TMEM135: variants seen among roughly 807,000 people sequenced by gnomAD.
TMEM135 encodes transmembrane protein 135.
In TMEM135, 30 loss-of-function variants were observed where a neutral mutation model predicts 60.3. The ratio of observed to expected loss-of-function variants is 0.50; its 90% CI spans 0.37 to 0.68. The LOEUF is 0.68. Among genes scored for constraint, TMEM135 ranks in the 30% least tolerant of loss-of-function variants. The pLI, the probability that TMEM135 is intolerant of heterozygous loss-of-function variation, is 0.00. For missense variants in TMEM135, 468 were observed against 548.8 expected (o/e 0.85, Z 1.47); for synonymous variants, 190 against 186.7 (o/e 1.02, Z -0.14).
At chr11:87,102,768 G>T (rs1004959092) in intron 4 of TMEM135, among the ~76,000 whole-genome samples, 3 of 148,202 alleles carry the variant, frequency 2.0e-5, no homozygotes, top group African/African-American at 4.9e-5. Context: ...AGCATGAAAT[G>T]ATTAAATCAA....
At chr11:87,055,534 A>C (rs1269306814) in intron 1 of TMEM135, among the ~76,000 whole-genome samples, 2 of 152,012 alleles carry the variant, frequency 1.3e-5, no homozygotes, top group Admixed American at 1.3e-4. Context: ...GTCTTCCTCC[A>C]TTTAAAGGTA....
At chr11:87,296,214 C>T (rs973895454) in intron 7 of TMEM135, among the ~76,000 whole-genome samples, 6 of 152,100 alleles carry the variant, frequency 3.9e-5, no homozygotes, top group Admixed American at 2.0e-4. Context: ...AACACAGATT[C>T]GATTTTAAGT....
chr11:87,203,032 CAAAAAAAAAAAAAAAAA>C (rs534909524), intron 5 of TMEM135, among the ~76,000 whole-genome samples: 1,373 of 33,656 alleles, frequency 0.041, 56 homozygotes, highest in African/African-American at 0.11. Flanking sequence ...GACTCCGTCT[CAAAAAAAAAAAAAAAAA>C]AAAAAAAAAG....
At chr11:87,133,489 C>T (rs1469396512) in intron 4 of TMEM135, among the ~76,000 whole-genome samples, 1 of 152,182 alleles carries the variant, frequency 6.6e-6, no homozygotes, top group East Asian at 1.9e-4. Context: ...TAGACCATGT[C>T]AACTTTTTCT....
intron 4 of TMEM135, among the ~76,000 whole-genome samples, chr11:87,152,203 C>T (rs1938574377): frequency 1.3e-5 from 2 of 152,118 alleles, no homozygotes; most frequent in Non-Finnish European, 2.9e-5. Flanking sequence ...TGTTCATGCT[C>T]CAAAGTTTCA....
At chr11:87,106,773 A>T (rs1376638914) in intron 4 of TMEM135, among the ~76,000 whole-genome samples, 1 of 152,202 alleles carries the variant, frequency 6.6e-6, no homozygotes, top group Non-Finnish European at 1.5e-5. Flanking sequence ...ATAAAGAGAT[A>T]TCAGTATCAG....
At position 87,326,638 on chromosome 11, in the gene TMEM135, A is replaced by G. The variant is rs12282551; in HGVS notation, c.*5305A>G. On this transcript the variant is annotated 3_prime_UTR_variant, in exon 15 of 15. Transcript: ENST00000305494. Reference sequence around the variant, plus strand: ...TTCTTTTCTTTACCTTTCCTGGCCCATGCTTTCCTGCCATATCTTTGCTAT... The same window carrying G: ...TTCTTTTCTTTACCTTTCCTGGCCCGTGCTTTCCTGCCATATCTTTGCTAT... The G allele has an allele frequency of 0.46, 206,463 of 453,756 alleles. 49,296 individuals are homozygous for G. Among genetic ancestry groups the G allele is most frequent in the Non-Finnish European group, 0.52 (117,974 of 226,720 alleles). The allele number at this position is 453,756 out of a possible 1,614,324, so 28.1% of individuals were successfully genotyped here.
rs550398041 is a variant in TMEM135 at position 87,133,787 on chromosome 11, A to G, written c.397-23554A>G. Among the ~76,000 whole-genome samples, 13 of 131,392 alleles carry G rather than the reference A, an allele frequency of 9.9e-5. No homozygotes were observed. The South Asian group carries it at 3.0e-3, about 31-fold the overall frequency. 86.2% of individuals were successfully genotyped at this position (131,392 alleles called of 152,430 possible). On this transcript the variant is annotated intron_variant, in intron 4 of 14. Transcript: ENST00000305494. ...GAGTTTTATATAAATGGAATCATAC[A>G]GTACATACTCTCTTTTTTTATCTGG...
At chr11:87,150,084 G>GT (rs1938516766) in intron 4 of TMEM135, among the ~76,000 whole-genome samples, 1 of 151,934 alleles carries the variant, frequency 6.6e-6, no homozygotes, top group Admixed American at 6.6e-5. Context: ...GGGCATGGTG[G>GT]CACATGCCTG....
intron 4 of TMEM135, among the ~76,000 whole-genome samples, chr11:87,104,781 C>T (rs979303695): frequency 2.7e-4 from 41 of 152,152 alleles, no homozygotes; most frequent in African/African-American, 7.9e-4. Context: ...GTCCTGCAAC[C>T]GTACGGAATT....
intron 12 of TMEM135, among the ~76,000 whole-genome samples, chr11:87,317,340 A>C (rs938083772): frequency 2.0e-5 from 3 of 152,096 alleles, no homozygotes; most frequent in Non-Finnish European, 4.4e-5. Context: ...ATCTTGCAAT[A>C]TACTGTTACA....
intron 6 of TMEM135, among the ~76,000 whole-genome samples, chr11:87,269,390 A>C (rs1370582737): frequency 1.3e-5 from 2 of 150,390 alleles, no homozygotes; most frequent in African/African-American, 4.9e-5. Context: ...ACATGTGCAC[A>C]ATGTGCAGGT....
intron 9 of TMEM135, among the ~76,000 whole-genome samples, chr11:87,307,181 T>C (rs1420390073): frequency 6.6e-6 from 1 of 152,138 alleles, no homozygotes; most frequent in South Asian, 2.1e-4. Flanking sequence ...GGAGGAACTG[T>C]CCCACATTAG....
At chr11:87,266,769 G>T (rs577573022) in intron 6 of TMEM135, among the ~76,000 whole-genome samples, 1 of 152,304 alleles carries the variant, frequency 6.6e-6, no homozygotes, top group Non-Finnish European at 1.5e-5. Flanking sequence ...AGGATAGAGG[G>T]TCAAAGGCCT....
intron 6 of TMEM135, among the ~76,000 whole-genome samples, chr11:87,278,388 T>TC (rs1942003898): frequency 6.6e-6 from 1 of 151,820 alleles, no homozygotes; most frequent in South Asian, 2.1e-4. Flanking sequence ...GTTCTTTTTT[T>TC]TTTTTTGAGA....
At position 87,157,380 on chromosome 11, in the gene TMEM135, A is replaced by T; in HGVS notation, c.436A>T (p.Thr146Ser). The T allele has an allele frequency of 1.2e-6, 2 of 1,613,408 alleles. No individual in the cohort carries two copies. Among genetic ancestry groups the T allele is most frequent in the Admixed American group, 1.7e-5 (1 of 59,986 alleles). The change falls in exon 5 of 15, where the codon ACC (threonine) becomes TCC (serine). Residue 146 changes from threonine (T) to serine (S), a missense_variant. Thr to Ser is a moderately conservative substitution (Grantham distance 58). Transcript: ENST00000305494. ...ATTCAGAATGGGTGTAGCAAGAGGA[A>T]CCATCACAACATTAAGAAATGGAGA... ...TLFRMGVARG[T>S]ITTLRNGEVL...
intron 4 of TMEM135, among the ~76,000 whole-genome samples, chr11:87,116,274 T>C (rs2135206400): frequency 6.6e-6 from 1 of 152,278 alleles, no homozygotes; most frequent in Non-Finnish European, 1.5e-5. Flanking sequence ...TAAACATAGT[T>C]TTACTGTGCC....
chr11:87,088,631 T>G (rs541090324), intron 3 of TMEM135, among the ~76,000 whole-genome samples: 1 of 152,280 alleles, frequency 6.6e-6, no homozygotes, highest in South Asian at 2.1e-4. Flanking sequence ...CAGTTAACTC[T>G]TGTCCTGCTT....
At chr11:87,061,866 T>G (rs951317963) in intron 1 of TMEM135, among the ~76,000 whole-genome samples, 1 of 152,218 alleles carries the variant, frequency 6.6e-6, no homozygotes, top group African/African-American at 2.4e-5. Flanking sequence ...CCTTATAATT[T>G]TGTATCACTC....
Sources: allele counts gnomAD v4.1 joint callset (sites outside exome capture counted in the v4.1 genomes callset), GRCh38; gene constraint gnomAD v4.1.1; transcripts MANE v1.5; gene names NCBI Gene and HGNC (gene_info 2026-07-23, HGNC 2026-07-21).